Variants in SLC6A16 observed in about 807,000 individuals in gnomAD.
SLC6A16 encodes solute carrier family 6 member 16.
Under a neutral mutation model 65.4 loss-of-function variants are expected in SLC6A16, and 54 were observed. The ratio of observed to expected loss-of-function variants is 0.83; its 90% CI spans 0.66 to 1.04. The LOEUF is 1.04. Among genes scored for constraint, SLC6A16 ranks in the 50% least tolerant of loss-of-function variants. SLC6A16 has a pLI of 0.00. For missense variants in SLC6A16, 816 were observed against 914.0 expected (o/e 0.89, Z 1.38); for synonymous variants, 330 against 346.5 (o/e 0.95, Z 0.53).
chr19:49,337,882 G>A, the SLC6A16 span: 3 of 1,611,516 alleles, frequency 1.9e-6, no homozygotes, highest in Non-Finnish European at 2.5e-6. Flanking sequence ...GGGGAGGGGT[G>A]GGGCGGGGAA....
At chr19:49,339,778 G>A in the SLC6A16 span, 6 of 1,367,210 alleles carry the variant, frequency 4.4e-6, no homozygotes, top group East Asian at 2.9e-5. This position sits in a 1 kb window ranked among gnomAD's most constrained non-coding sequence, Gnocchi z 4.5. Context: ...TGACGGCGGC[G>A]GCGGGCACAG....
At position 49,308,976 on chromosome 19, in the gene SLC6A16, C is replaced by A. The variant is rs570510329; in HGVS notation, c.1129G>T (p.Val377Leu). ...AAAGTGAGCAGGTTTATCACAGACA[C>A]GAGAAAGGCATCACTGAGACAGTTG... Reference protein sequence around the residue: ...SNNCLSDAFLVSVINLLTLLV... With the variant: ...SNNCLSDAFLLSVINLLTLLV... Residue 377 changes from valine (V) to leucine (L), a missense_variant, in exon 7 of 12, where the codon GTG (valine) becomes TTG (leucine). Physicochemically the swap from Val to Leu is conservative, Grantham distance 32 (BLOSUM62 1). Coordinates refer to ENST00000335875, the MANE Select transcript of SLC6A16 (RefSeq NM_014037.3). The A allele has an allele frequency of 4.3e-6, 7 of 1,614,022 alleles. No individual in the cohort carries two copies. In the African/African-American group the frequency reaches 9.3e-5, roughly 22 times the overall value.
chr19:49,293,341 T>C lies in SLC6A16; in HGVS notation c.1660A>G (p.Thr554Ala). 6.2e-7 allele frequency: 1 copy of C among 1,613,958 alleles called. No homozygotes were observed. The highest frequency in any genetic ancestry group is 8.5e-7 in the Non-Finnish European group (1 of 1,179,982). ...LLMFVCGLFF[T>A]RPSGSYFIRL... ...ATGAAGTAGCTGCCTGAAGGTCGAG[T>C]GAAGAAGAGGCCGCACACGAACATG... Residue 554 changes from threonine to alanine, a missense_variant, in exon 10 of 12, where the codon ACT becomes GCT. Transcript: ENST00000335875.
chr19:49,331,747 C>A, the SLC6A16 span: 6,730 of 457,296 alleles, frequency 0.015, 80 homozygotes, highest in Middle Eastern at 0.02. Flanking sequence ...TGTGTCCCTT[C>A]TGCACCCATT....
At chr19:49,299,545 A>AG (rs1568527883) in intron 7 of SLC6A16, among the ~76,000 whole-genome samples, 27 of 116,678 alleles carry the variant, frequency 2.3e-4, no homozygotes, top group African/African-American at 3.8e-4. Context: ...AAAAAAAAAA[A>AG]AAAAGAAAGA....
In SLC6A16 at chr19:49,310,408, C is replaced by A. The variant is rs1376991276; in HGVS notation, c.518G>T (p.Gly173Val). 2.5e-6 allele frequency: 4 copies of A among 1,614,002 alleles called. No homozygotes were observed. Among genetic ancestry groups the A allele is most frequent in the East Asian group, 2.2e-5 (1 of 44,888 alleles). ...AGQSMRQGGM[G>V]VWKIIAPWIG... ...CCAGGGGGCAATGATCTTCCATACA[C>A]CCATGCCACCCTGACGCATGCTCTG... The change falls in exon 3 of 12, where the codon GGT becomes GTT. Residue 173 changes from glycine to valine, a missense_variant. Coordinates refer to ENST00000335875, the MANE Select transcript of SLC6A16 (RefSeq NM_014037.3).
the SLC6A16 span, chr19:49,336,787 C>T: frequency 1.0e-6 from 1 of 1,002,470 alleles, no homozygotes; most frequent in South Asian, 1.6e-5. Context: ...GGGGCAGGGA[C>T]AGAGTCCCAG....
chr19:49,311,658 G>A (rs967485282), intron 1 of SLC6A16, among the ~76,000 whole-genome samples: 5 of 151,822 alleles, frequency 3.3e-5, no homozygotes, highest in Non-Finnish European at 5.9e-5. Flanking sequence ...AGACCAGCCC[G>A]GCCAACATGG....
At chr19:49,325,445 C>T (rs1230004451), upstream of SLC6A16, among the ~76,000 whole-genome samples, 2 of 152,240 alleles carry the variant, frequency 1.3e-5, no homozygotes, top group African/African-American at 4.8e-5. Context: ...CTGGCACATG[C>T]ACTTTGCTTC....
At chr19:49,293,711 C>A in intron 9 of SLC6A16, 116 bp downstream of exon 9, 1 of 899,698 alleles carries the variant, frequency 1.1e-6, no homozygotes, top group Non-Finnish European at 1.8e-6. Context: ...TTGCAGTAAG[C>A]CGAGATCACA....
At chr19:49,304,414 G>C (rs183192026) in intron 7 of SLC6A16, among the ~76,000 whole-genome samples, 3 of 152,298 alleles carry the variant, frequency 2.0e-5, no homozygotes, top group African/African-American at 7.2e-5. Flanking sequence ...ATCGATCTCT[G>C]TAGTCAAGGA....
In SLC6A16 at chr19:49,308,902, T is replaced by C. The variant is rs555259313; in HGVS notation, c.1203A>G (p.Thr401=). The part of the protein sequence containing the change: ...FNFCVLGFWA[T]VITHRCCERN... ...TCTCACAGCAGCGATGTGTGATGAC[T>C]GTCGCCCAGAAGCCCAGGACACAGA... is the stretch of plus-strand genomic sequence containing the variant. Residue 401 remains threonine (T), a synonymous_variant, in exon 7 of 12, where the codon ACA becomes ACG. Coordinates refer to ENST00000335875, the MANE Select transcript of SLC6A16 (RefSeq NM_014037.3). The C allele has an allele frequency of 1.2e-6, 2 of 1,614,158 alleles. No individual in the cohort carries two copies. Among genetic ancestry groups the C allele is most frequent in the South Asian group, 2.2e-5 (2 of 91,084 alleles).
chr19:49,335,506 T>A, the SLC6A16 span: 1 of 1,516,136 alleles, frequency 6.6e-7, no homozygotes, highest in East Asian at 2.3e-5. This position sits in a 1 kb window ranked among gnomAD's most constrained non-coding sequence, Gnocchi z 4.6. Context: ...ACCTCTTCTG[T>A]GTGGTGAGTG....
the SLC6A16 span, chr19:49,336,298 G>C: frequency 6.2e-6 from 1 of 160,554 alleles, no homozygotes; most frequent in Non-Finnish European, 1.4e-5. Flanking sequence ...GCTCACACCT[G>C]TAATTCCAGC....
chr19:49,320,311 G>A lies in SLC6A16; in HGVS notation c.-65+4737C>T, dbSNP rs531164992. Reference sequence around the variant, plus strand: ...TAATCCCAGCTACTCAGGAGGCTGAGGCAGGAGAATCGCTTGAACCTAGGA... The same window carrying A: ...TAATCCCAGCTACTCAGGAGGCTGAAGCAGGAGAATCGCTTGAACCTAGGA... On this transcript the variant is annotated intron_variant, in intron 1 of 11. Coordinates refer to ENST00000335875, the MANE Select transcript of SLC6A16 (RefSeq NM_014037.3). Among the ~76,000 whole-genome samples, 42 of 152,090 alleles carry A rather than the reference G, an allele frequency of 2.8e-4. 1 individual carries two copies. The highest frequency in any genetic ancestry group is 1.0e-3 in the African/African-American group (42 of 41,496).
chr19:49,301,718 C>G (rs1031434537), intron 7 of SLC6A16, among the ~76,000 whole-genome samples: 2 of 152,228 alleles, frequency 1.3e-5, no homozygotes, highest in Non-Finnish European at 2.9e-5. Context: ...TCTCCTTCCT[C>G]TGTCCCTGAA....
Position 49,309,674 on chromosome 19 carries a change from T to C in SLC6A16, c.853A>G (p.Asn285Asp). 6.2e-7 allele frequency: 1 copy of C among 1,613,886 alleles called. No homozygotes were observed. Among genetic ancestry groups the C allele is most frequent in the Non-Finnish European group, 8.5e-7 (1 of 1,179,820 alleles). The change falls in exon 5 of 12, where the codon AAT becomes GAT. Residue 285 changes from asparagine to aspartate, a missense_variant. Coordinates refer to ENST00000335875, the MANE Select transcript of SLC6A16 (RefSeq NM_014037.3). ...ACCTTCCCAGTGGACTTGAGCCCAT[T>C]GATCATGAAAGCACCAACAAGACAC... ...CWCLVGAFMI[N>D]GLKSTGKVIY...
intron 7 of SLC6A16, among the ~76,000 whole-genome samples, chr19:49,299,850 C>T (rs1970255256): frequency 6.6e-6 from 1 of 150,724 alleles, no homozygotes; most frequent in African/African-American, 2.4e-5. Flanking sequence ...TGGTGAAACC[C>T]TGTCTCTACT....
At position 49,310,109 on chromosome 19, in the gene SLC6A16, TG is replaced by T. The variant is rs750454921; in HGVS notation, c.630del (p.Tyr210Ter). The T allele has an allele frequency of 1.9e-6, 3 of 1,613,932 alleles. No individual in the cohort carries two copies. The South Asian group carries it at 3.3e-5, about 18-fold the overall frequency. On this transcript the variant is annotated frameshift_variant, in exon 4 of 12. Transcript: ENST00000335875. LOFTEE classifies it high-confidence loss of function. ...FNVVNSWIIF[Y>X]MSQSFQFPVP... ...ACGGGAAACTGGAAGGACTGGCTCA[TG>T]TAGAAGATGATCCAGGAATTGACCA...
Sources: gnomAD v4.1 joint callset for allele counts (sites outside exome capture counted in the v4.1 genomes callset) on GRCh38, gnomAD v4.1.1 for gene constraint, Gnocchi (gnomAD v3.1) non-coding constraint, MANE v1.5 for transcripts, NCBI Gene and HGNC (gene_info 2026-07-23, HGNC 2026-07-21) for gene names.